Variants in STXBP5L observed in about 807,000 individuals in gnomAD.
STXBP5L encodes the protein syntaxin binding protein 5L.
In STXBP5L, 65 loss-of-function variants were observed where a neutral mutation model predicts 144.5. The observed-to-expected ratio is 0.45, with a 90% CI of 0.37 to 0.55. The LOEUF (loss-of-function observed/expected upper bound fraction) is 0.55. STXBP5L is among the 20% of genes least tolerant of loss of function. STXBP5L has a pLI of 0.00. For missense variants in STXBP5L, 1,298 were observed against 1,405.5 expected, an observed-to-expected ratio of 0.92 and a Z score of 1.22; for synonymous variants, 505 against 469.6, an observed-to-expected ratio of 1.08 and a Z score of -0.97.
intron 14 of STXBP5L, among the ~76,000 whole-genome samples, chr3:121,247,819 T>C (rs1197617286): frequency 6.6e-6 from 1 of 152,204 alleles, no homozygotes; most frequent in Non-Finnish European, 1.5e-5. Context: ...TTTATATTGC[T>C]TTGGTTATAT....
At position 121,355,520 on chromosome 3, in the gene STXBP5L, T is replaced by C. The variant is rs149562396; in HGVS notation, c.2177-23196T>C. ...CATGCATCACGAATTTCTCGTGCCA[T>C]GGTTTTCAGCTCCATGAGGTCATTT... On this transcript the variant is annotated intron_variant, in intron 20 of 26. Transcript: ENST00000471454. Among the ~76,000 whole-genome samples, 57 of 152,328 alleles carry C rather than the reference T, an allele frequency of 3.7e-4. No individual in the cohort carries two copies. The East Asian group carries it at 5.8e-3, about 15-fold the overall frequency.
At chr3:121,339,814 T>G (rs570641703) in intron 20 of STXBP5L, among the ~76,000 whole-genome samples, 1 of 140,270 alleles carries the variant, frequency 7.1e-6, no homozygotes, top group South Asian at 2.2e-4. Flanking sequence ...ATATAATAGC[T>G]GAAAAAAAAA....
intron 9 of STXBP5L, among the ~76,000 whole-genome samples, chr3:121,171,495 C>A (rs1403404753): frequency 6.6e-6 from 1 of 152,156 alleles, no homozygotes; most frequent in African/African-American, 2.4e-5. Flanking sequence ...AGCTGATAAG[C>A]AACTTAAGCA....
chr3:120,909,844 C>A, intron 2 of STXBP5L, 77 bp downstream of exon 2: 2 of 1,393,896 alleles, frequency 1.4e-6, no homozygotes, highest in East Asian at 2.6e-5. Flanking sequence ...AAAAACATAC[C>A]AGGAACAGGA....
intron 20 of STXBP5L, among the ~76,000 whole-genome samples, chr3:121,340,207 C>T (rs1454307477): frequency 3.9e-5 from 6 of 152,102 alleles, no homozygotes; most frequent in East Asian, 1.9e-4. Context: ...AAAGTAGATA[C>T]GTAGACCAAT....
At chr3:121,273,679 G>A (rs1165831436) in intron 18 of STXBP5L, among the ~76,000 whole-genome samples, 1 of 151,726 alleles carries the variant, frequency 6.6e-6, no homozygotes, top group East Asian at 1.9e-4. Flanking sequence ...TTTCTTTTCT[G>A]TTTTTTGTTA....
chr3:121,118,346 T>G (rs562005476), intron 6 of STXBP5L, among the ~76,000 whole-genome samples: 47 of 151,798 alleles, frequency 3.1e-4, no homozygotes, highest in African/African-American at 1.1e-3. Context: ...TTCAGTTAGA[T>G]GAGTAAAATA....
rs141537688 is a variant in STXBP5L at position 121,398,099 on chromosome 3, C to T, written c.2588-9144C>T. 3.4e-3 allele frequency among the ~76,000 whole-genome samples: 518 copies of T among 152,322 alleles called. 4 individuals are homozygous for T. Among genetic ancestry groups the T allele is most frequent in the African/African-American group, 0.011 (456 of 41,570 alleles). ...TTTTACTTTTTCCGATTCCCACATA[C>T]GGCACAATCAGGAGCTGTGCCATGT... On this transcript the variant is annotated intron_variant, in intron 22 of 26. Coordinates refer to ENST00000471454, the MANE Select transcript of STXBP5L (RefSeq NM_001308330.2).
chr3:121,404,270 T>TAAC (rs2046947720), intron 22 of STXBP5L, among the ~76,000 whole-genome samples: 1 of 152,126 alleles, frequency 6.6e-6, no homozygotes, highest in Non-Finnish European at 1.5e-5. Context: ...TCCAATTTGT[T>TAAC]AACAAATCCT....
intron 2 of STXBP5L, among the ~76,000 whole-genome samples, chr3:120,953,494 A>G (rs1937669308): frequency 6.9e-6 from 1 of 145,756 alleles, no homozygotes. Flanking sequence ...ATGCCTGGTG[A>G]ATTTTTCCTT....
intron 3 of STXBP5L, among the ~76,000 whole-genome samples, chr3:121,009,600 T>C (rs16832021): frequency 0.016 from 2,472 of 152,066 alleles, 61 homozygotes; most frequent in African/African-American, 0.056. Flanking sequence ...CTCTTTGTGG[T>C]AGTTATAAGG....
chr3:120,930,664 A>G (rs116104824), intron 2 of STXBP5L, among the ~76,000 whole-genome samples: 2,507 of 152,226 alleles, frequency 0.016, 64 homozygotes, highest in African/African-American at 0.056. Context: ...TCATTTTAGT[A>G]TATAGTATGA....
chr3:120,973,355 G>T (rs1940504486), intron 3 of STXBP5L, among the ~76,000 whole-genome samples: 1 of 151,816 alleles, frequency 6.6e-6, no homozygotes, highest in South Asian at 2.1e-4. Context: ...GTTTGAGAGT[G>T]TAGAGGTGCT....
intron 3 of STXBP5L, among the ~76,000 whole-genome samples, chr3:120,967,026 A>C (rs182932051): frequency 5.5e-4 from 83 of 152,160 alleles, no homozygotes; most frequent in African/African-American, 1.9e-3. Context: ...TCCCCTAGCC[A>C]GGCTGCCGCT....
intron 5 of STXBP5L, among the ~76,000 whole-genome samples, chr3:121,057,556 A>G (rs1035777040): frequency 6.6e-6 from 1 of 152,076 alleles, no homozygotes; most frequent in Non-Finnish European, 1.5e-5. Flanking sequence ...TTTTTGACAC[A>G]TATAAAAATG....
intron 3 of STXBP5L, among the ~76,000 whole-genome samples, chr3:120,969,051 A>T (rs1346997112): frequency 1.3e-5 from 2 of 152,080 alleles, no homozygotes; most frequent in South Asian, 2.1e-4. Context: ...CTTTGGGTAG[A>T]TACTCAGTAG....
At chr3:121,402,014 T>C (rs1443983902) in intron 22 of STXBP5L, among the ~76,000 whole-genome samples, 1 of 152,122 alleles carries the variant, frequency 6.6e-6, no homozygotes, top group East Asian at 1.9e-4. Context: ...AAGTGCTAGT[T>C]CTCCCAATTT....
chr3:121,186,450 TA>T (rs1189474380), intron 9 of STXBP5L, among the ~76,000 whole-genome samples: 2 of 152,190 alleles, frequency 1.3e-5, no homozygotes, highest in African/African-American at 2.4e-5. Context: ...TAGCTCTGAT[TA>T]TTTTGAGATA....
At chr3:121,058,306 A>C (rs1350561012) in intron 5 of STXBP5L, among the ~76,000 whole-genome samples, 1 of 152,134 alleles carries the variant, frequency 6.6e-6, no homozygotes, top group Non-Finnish European at 1.5e-5. Context: ...GACATGAACT[A>C]ATCCTTTTCT....
Sources: gnomAD v4.1 joint callset for allele counts (sites outside exome capture counted in the v4.1 genomes callset) on GRCh38, gnomAD v4.1.1 for gene constraint, MANE v1.5 for transcripts, NCBI Gene and HGNC (gene_info 2026-07-23, HGNC 2026-07-21) for gene names.